Variants in RABGAP1L observed in about 807,000 individuals in gnomAD.
RABGAP1L encodes rab GTPase-activating protein 1-like.
RABGAP1L carries 63 observed loss-of-function variants against 137.7 expected under a neutral mutation model. The ratio of observed to expected loss-of-function variants is 0.46; its 90% CI spans 0.37 to 0.56. The LOEUF (loss-of-function observed/expected upper bound fraction) is 0.56. Ranked by LOEUF, RABGAP1L falls within the 20% of genes least tolerant of loss-of-function variation. The pLI, the probability that RABGAP1L is intolerant of heterozygous loss-of-function variation, is 0.00. For synonymous variants in RABGAP1L, 431 were observed against 433.7 expected, an observed-to-expected ratio of 0.99 and a Z score of 0.08; for missense variants, 1,095 against 1,244.0, an observed-to-expected ratio of 0.88 and a Z score of 1.80.
At chr1:174,462,292 G>A (rs903799848) in intron 13 of RABGAP1L, among the ~76,000 whole-genome samples, 2 of 152,128 alleles carry the variant, frequency 1.3e-5, no homozygotes, top group African/African-American at 4.8e-5. Flanking sequence ...GGTAGTTATA[G>A]TTTATCCTTT....
chr1:174,788,074 A>C (rs1687590023), intron 18 of RABGAP1L, among the ~76,000 whole-genome samples: 1 of 152,228 alleles, frequency 6.6e-6, no homozygotes, highest in South Asian at 2.1e-4. Flanking sequence ...GTTCTCACTT[A>C]TGGCATTTAG....
At chr1:174,628,046 C>T (rs1006977396) in intron 13 of RABGAP1L, among the ~76,000 whole-genome samples, 2 of 152,072 alleles carry the variant, frequency 1.3e-5, no homozygotes, top group Non-Finnish European at 1.5e-5. Flanking sequence ...TTCTACTGTA[C>T]CCTGTCCTTC....
At chr1:174,611,488 A>T (rs1489692072) in intron 13 of RABGAP1L, among the ~76,000 whole-genome samples, 2 of 149,506 alleles carry the variant, frequency 1.3e-5, no homozygotes, top group Non-Finnish European at 3.0e-5. Flanking sequence ...GTCAGGTAGC[A>T]TGATGCCTCC....
intron 24 of RABGAP1L, among the ~76,000 whole-genome samples, chr1:174,987,832 T>C (rs1671727375): frequency 6.6e-6 from 1 of 152,220 alleles, no homozygotes; most frequent in African/African-American, 2.4e-5. Flanking sequence ...TTTTTTGAGA[T>C]GGAGTCTCAT....
chr1:174,943,987 G>A (rs762684982), intron 19 of RABGAP1L, among the ~76,000 whole-genome samples: 1 of 151,966 alleles, frequency 6.6e-6, no homozygotes, highest in Non-Finnish European at 1.5e-5. Context: ...ATGCCAAGTT[G>A]TGGCCAGATG....
intron 19 of RABGAP1L, among the ~76,000 whole-genome samples, chr1:174,853,548 G>A (rs1037433270): frequency 2.6e-5 from 4 of 152,084 alleles, no homozygotes; most frequent in African/African-American, 4.8e-5. Flanking sequence ...TGGCTAACAC[G>A]GTGAAACCCT....
At chr1:174,472,685 G>A (rs1225589933) in intron 13 of RABGAP1L, among the ~76,000 whole-genome samples, 1 of 152,150 alleles carries the variant, frequency 6.6e-6, no homozygotes, top group Non-Finnish European at 1.5e-5. Context: ...GCTTGCCTGA[G>A]CCTAGGAGTT....
chr1:174,446,323 A>G (rs953439155), intron 13 of RABGAP1L, among the ~76,000 whole-genome samples: 1 of 152,216 alleles, frequency 6.6e-6, no homozygotes, highest in African/African-American at 2.4e-5. Flanking sequence ...GAAATATCCT[A>G]TGGCTATTAT....
intron 13 of RABGAP1L, among the ~76,000 whole-genome samples, chr1:174,525,229 G>A (rs1395835721): frequency 6.6e-6 from 1 of 151,948 alleles, no homozygotes; most frequent in African/African-American, 2.4e-5. Context: ...GATTGCTTTG[G>A]GCAGTATGGT....
At chr1:174,172,216 G>GTA (rs869221135) in intron 1 of RABGAP1L, among the ~76,000 whole-genome samples, 2,119 of 127,908 alleles carry the variant, frequency 0.017, 65 homozygotes, top group African/African-American at 0.061. Flanking sequence ...GTGTGTGTGT[G>GTA]TATATATGCC....
intron 14 of RABGAP1L, among the ~76,000 whole-genome samples, chr1:174,653,098 G>A (rs1437835491): frequency 2.6e-5 from 4 of 152,174 alleles, no homozygotes; most frequent in Non-Finnish European, 5.9e-5. Flanking sequence ...TTTACACTGT[G>A]AGGGGAAAAC....
chr1:174,946,923 T>A (rs141685129), intron 19 of RABGAP1L, among the ~76,000 whole-genome samples: 18,247 of 59,468 alleles, frequency 0.31, 3,375 homozygotes, highest in East Asian at 0.33. Context: ...AAAAAATATA[T>A]ATATATATAT....
chr1:174,518,496 G>A (rs1663065931), intron 13 of RABGAP1L, among the ~76,000 whole-genome samples: 1 of 152,082 alleles, frequency 6.6e-6, no homozygotes, highest in Non-Finnish European at 1.5e-5. Context: ...TTTTATTGCT[G>A]TATTGTTATT....
Position 174,186,058 on chromosome 1 carries a change from C to T in RABGAP1L, c.-34+26401C>T, listed in dbSNP as rs150835324. On this transcript the variant is annotated intron_variant, in intron 1 of 25. Transcript: ENST00000681986. ...CTTGGGAAGGGTGAGGCAGGAGAAT[C>T]GCTTGAACCCGGGAGGCGGAGGTTG... Among the ~76,000 whole-genome samples, 1,442 of 151,420 alleles carry T rather than the reference C, an allele frequency of 9.5e-3. 23 individuals carry two copies. Among genetic ancestry groups the T allele is most frequent in the African/African-American group, 0.033 (1,379 of 41,224 alleles).
intron 7 of RABGAP1L, among the ~76,000 whole-genome samples, chr1:174,264,863 C>T (rs753846567): frequency 1.3e-5 from 2 of 151,600 alleles, no homozygotes; most frequent in African/African-American, 2.4e-5. Context: ...AAATGACAAT[C>T]GAGAGAAAAA....
intron 14 of RABGAP1L, among the ~76,000 whole-genome samples, chr1:174,654,178 C>T (rs184258799): frequency 9.2e-5 from 14 of 152,346 alleles, no homozygotes; most frequent in Admixed American, 9.1e-4. Context: ...TCCTCAGAAG[C>T]TGGCCCACCT....
At chr1:174,166,626 T>C (rs1664931004) in intron 1 of RABGAP1L, among the ~76,000 whole-genome samples, 1 of 152,220 alleles carries the variant, frequency 6.6e-6, no homozygotes, top group Non-Finnish European at 1.5e-5. Flanking sequence ...AAGGTATAAA[T>C]GCCAGTAAGT....
At chr1:174,452,724 G>A (rs990428775) in intron 13 of RABGAP1L, among the ~76,000 whole-genome samples, 1 of 152,042 alleles carries the variant, frequency 6.6e-6, no homozygotes, top group African/African-American at 2.4e-5. Flanking sequence ...ACCACGCCCA[G>A]CTAATTTTTT....
intron 13 of RABGAP1L, among the ~76,000 whole-genome samples, chr1:174,398,364 G>A (rs1489002495): frequency 6.6e-6 from 1 of 152,122 alleles, no homozygotes; most frequent in Non-Finnish European, 1.5e-5. Context: ...AAACCCCAGT[G>A]CTGTAATCAC....
Sources: gnomAD v4.1 joint callset for allele counts (sites outside exome capture counted in the v4.1 genomes callset) on GRCh38, gnomAD v4.1.1 for gene constraint, MANE v1.5 for transcripts, NCBI Gene and HGNC (gene_info 2026-07-23, HGNC 2026-07-21) for gene names.